Variants in ACOX3 observed in about 807,000 individuals in gnomAD.
The protein encoded by ACOX3 is acyl-CoA oxidase 3, pristanoyl, also known as peroxisomal acyl-coenzyme A oxidase 3.
ACOX3 carries 73 observed loss-of-function variants against 81.5 expected under a neutral mutation model. The ratio of observed to expected loss-of-function variants is 0.90; its 90% CI spans 0.74 to 1.09. The LOEUF (loss-of-function observed/expected upper bound fraction) is 1.09. ACOX3 is among the 50% of genes least tolerant of loss of function. The probability of loss-of-function intolerance (pLI) is 0.00; values close to 1 mark genes in which losing one functional copy is unlikely to be tolerated. For synonymous variants in ACOX3, 387 were observed against 375.1 expected (o/e 1.03, Z -0.37); for missense variants, 947 against 928.0 (o/e 1.02, Z -0.27).
rs185636439 is a variant in ACOX3, at chr4:8,423,855, T to C, written c.-14-7320A>G. Among the ~76,000 whole-genome samples the C allele has an allele frequency of 3.3e-5, 5 of 152,216 alleles. No homozygotes were observed. The highest frequency in any genetic ancestry group is 1.2e-4 in the African/African-American group (5 of 41,454). On this transcript the variant is annotated intron_variant, in intron 1 of 17. Coordinates refer to ENST00000356406, the MANE Select transcript of ACOX3 (RefSeq NM_003501.3). This position sits in a 1 kb window ranked among gnomAD's most constrained non-coding sequence, Gnocchi z 4.2. The stretch of plus-strand genomic sequence containing the variant: ...CCCAAGGGTTCATGGACAGCCCCCA[T>C]CTATTTGGCCAGGCATTAGCCCGAG...
At chr4:8,403,104 T>C (rs1360524152) in intron 7 of ACOX3, among the ~76,000 whole-genome samples, 1 of 152,236 alleles carries the variant, frequency 6.6e-6, no homozygotes, top group African/African-American at 2.4e-5. Flanking sequence ...TAGAGCTATT[T>C]GGCTAAAATT....
Position 8,386,253 on chromosome 4 carries a change from G to C in ACOX3, c.1537+2920C>G, listed in dbSNP as rs912863376. On this transcript the variant is annotated intron_variant, in intron 13 of 17. Coordinates refer to ENST00000356406, the MANE Select transcript of ACOX3 (RefSeq NM_003501.3). This position sits in a 1 kb window ranked among gnomAD's most constrained non-coding sequence, Gnocchi z 5.2. The stretch of plus-strand genomic sequence containing the variant: ...AGGTCATTTTCTAGTTCTTTCTGTG[G>C]CAACATTTGGGAAGCTTAGAAAGTG... Among the ~76,000 whole-genome samples the C allele has an allele frequency of 9.2e-5, 14 of 152,184 alleles. No individual in the cohort carries two copies. Among genetic ancestry groups the C allele is most frequent in the African/African-American group, 3.1e-4 (13 of 41,440 alleles).
intron 17 of ACOX3, among the ~76,000 whole-genome samples, chr4:8,367,834 A>AAAAAAAAAAG (rs1715658289): frequency 7.0e-6 from 1 of 143,328 alleles, no homozygotes; most frequent in African/African-American, 2.6e-5. Flanking sequence ...AAAAAAAAAA[A>AAAAAAAAAAG]GCAAAAAATT....
intron 7 of ACOX3, among the ~76,000 whole-genome samples, chr4:8,403,355 G>A (rs1287159658): frequency 6.6e-6 from 1 of 152,184 alleles, no homozygotes; most frequent in Admixed American, 6.5e-5. Context: ...CCCCTGCTGG[G>A]TGCCCTGCCC....
intron 5 of ACOX3, among the ~76,000 whole-genome samples, chr4:8,411,993 AAAG>A (rs1344337378): frequency 4.6e-5 from 7 of 152,312 alleles, no homozygotes; most frequent in Admixed American, 2.0e-4. Flanking sequence ...CAAATGCCAA[AAAG>A]AAGGAGGTGG....
chr4:8,371,373 T>A (rs1159737188), intron 16 of ACOX3, among the ~76,000 whole-genome samples: 1 of 152,194 alleles, frequency 6.6e-6, no homozygotes, highest in Admixed American at 6.5e-5. Context: ...AGAAAACATG[T>A]AATAGAGAAG....
In ACOX3 at chr4:8,382,247, C is replaced by G. The variant is rs1717750574; in HGVS notation, c.1538-640G>C. Among the ~76,000 whole-genome samples, 1 of 152,192 alleles carries G rather than the reference C, an allele frequency of 6.6e-6. No homozygotes were observed. Among genetic ancestry groups the G allele is most frequent in the Non-Finnish European group, 1.5e-5 (1 of 68,010 alleles). On this transcript the variant is annotated intron_variant, in intron 13 of 17. Transcript: ENST00000356406. This position sits in a 1 kb window ranked among gnomAD's most constrained non-coding sequence, Gnocchi z 4.1. ...CCCCGGGGTGGGGTGTCAGGCAGGACAGCTGGAGACCCCCCTTCGTCCTCC... is the reference window on the plus strand; with the variant it reads ...CCCCGGGGTGGGGTGTCAGGCAGGAGAGCTGGAGACCCCCCTTCGTCCTCC...
intron 15 of ACOX3, chr4:8,374,581 A>C: frequency 1.1e-5 from 2 of 182,688 alleles, no homozygotes; most frequent in Middle Eastern, 2.1e-3. Context: ...TCCTCCAGGA[A>C]TCAGCCCCAG....
chr4:8,428,418 A>C (rs1723721682), intron 1 of ACOX3: 1 of 152,752 alleles, frequency 6.5e-6, no homozygotes, highest in South Asian at 2.1e-4. Flanking sequence ...AGCTGCCCGC[A>C]CAGCGCAGCT....
At chr4:8,380,580 A>T (rs3775896) in intron 14 of ACOX3, among the ~76,000 whole-genome samples, 313 of 152,074 alleles carry the variant, frequency 2.1e-3, no homozygotes, top group Middle Eastern at 0.01. Context: ...TTCCTAGAGG[A>T]GCTGGCCTGA....
chr4:8,416,414 C>T lies in ACOX3; in HGVS notation c.108G>A (p.Ala36=), dbSNP rs367983038. The T allele has an allele frequency of 1.0e-4, 161 of 1,614,194 alleles. No homozygotes were observed. Among genetic ancestry groups the T allele is most frequent in the African/African-American group, 6.3e-4 (47 of 75,038 alleles). ...ARASFSWKEL[A]LFTEGEGMLR... ...GCATGCCCTCCCCTTCCGTGAACAG[C>T]GCCAGCTCCTTCCAGCTGAAGGACG... Residue 36 remains alanine (A), a synonymous_variant, in exon 2 of 18, where the codon GCG becomes GCA. Coordinates refer to ENST00000356406, the MANE Select transcript of ACOX3 (RefSeq NM_003501.3). The surrounding 1 kb of genome is among the most constrained non-coding windows in gnomAD (Gnocchi z 4.2).
intron 1 of ACOX3, among the ~76,000 whole-genome samples, chr4:8,425,757 C>T (rs1375138008): frequency 6.6e-6 from 1 of 151,424 alleles, no homozygotes; most frequent in Non-Finnish European, 1.5e-5. Flanking sequence ...CAGAAAAGGC[C>T]GAAGACGTAA....
chr4:8,383,089 A>G (rs1010618485), intron 13 of ACOX3, among the ~76,000 whole-genome samples: 5 of 152,128 alleles, frequency 3.3e-5, no homozygotes, highest in African/African-American at 4.8e-5. Context: ...CCCTCACGGC[A>G]TAACTGAGAA....
downstream of ACOX3, among the ~76,000 whole-genome samples, chr4:8,364,785 G>A (rs552194867): frequency 1.2e-4 from 19 of 152,336 alleles, no homozygotes; most frequent in Admixed American, 6.5e-4. The surrounding 1 kb of genome is among the most constrained non-coding windows in gnomAD (Gnocchi z 5.0). Context: ...CCAAAGGCTG[G>A]ACGAGACCAC....
rs1316117200 is a variant in ACOX3 at position 8,400,617 on chromosome 4, C to T, written c.777-965G>A. Among the ~76,000 whole-genome samples, 3 of 152,170 alleles carry T rather than the reference C, an allele frequency of 2.0e-5. No homozygotes were observed. The highest frequency in any genetic ancestry group is 4.4e-5 in the Non-Finnish European group (3 of 68,044). ...GTTGTCTGGTCAGGAAAACCTATTA[C>T]ACAACAGTCTAGGGAATAAGGCTAT... On this transcript the variant is annotated intron_variant, in intron 7 of 17. Transcript: ENST00000356406. The surrounding 1 kb of genome is among the most constrained non-coding windows in gnomAD (Gnocchi z 4.4).
chr4:8,428,966 C>G (rs754649786), intron 1 of ACOX3, among the ~76,000 whole-genome samples: 1 of 152,188 alleles, frequency 6.6e-6, no homozygotes, highest in Non-Finnish European at 1.5e-5. Flanking sequence ...CAGAGAGCCC[C>G]TAGTGGAAGT....
intron 8 of ACOX3, among the ~76,000 whole-genome samples, chr4:8,398,285 T>G (rs1266181644): frequency 6.6e-6 from 1 of 152,222 alleles, no homozygotes; most frequent in African/African-American, 2.4e-5. Context: ...GTGTTTTTTA[T>G]TCCACTGGAG....
intron 1 of ACOX3, among the ~76,000 whole-genome samples, chr4:8,424,384 G>GA (rs1287567794): frequency 1.3e-5 from 2 of 152,204 alleles, no homozygotes; most frequent in Non-Finnish European, 2.9e-5. Context: ...ATGTGTCACA[G>GA]AAAAAACAGG....
chr4:8,422,305 C>A (rs1723033317), intron 1 of ACOX3, among the ~76,000 whole-genome samples: 1 of 152,128 alleles, frequency 6.6e-6, no homozygotes, highest in South Asian at 2.1e-4. Context: ...CCTTTAAAAG[C>A]CAGGGTAAAT....
Sources: allele counts gnomAD v4.1 joint callset (sites outside exome capture counted in the v4.1 genomes callset), GRCh38; gene constraint gnomAD v4.1.1; non-coding constraint Gnocchi (gnomAD v3.1); transcripts MANE v1.5; gene names NCBI Gene and HGNC (gene_info 2026-07-23, HGNC 2026-07-21).